The following DGKI variants were observed in gnomAD, a reference collection of about 807,000 sequenced individuals.
DGKI encodes the protein diacylglycerol kinase iota, also known as DAG kinase iota.
A neutral mutation model predicts 147.5 loss-of-function variants in DGKI; 55 were observed. The ratio of observed to expected loss-of-function variants is 0.37; its 90% confidence interval spans 0.30 to 0.47. DGKI has a LOEUF of 0.47. Among genes scored for constraint, DGKI ranks in the 20% least tolerant of loss-of-function variants. DGKI has a pLI of 1.00. For synonymous variants in DGKI, 469 were observed against 477.1 expected, an observed-to-expected ratio of 0.98 and a Z score of 0.22; for missense variants, 1,007 against 1,323.8, an observed-to-expected ratio of 0.76 and a Z score of 3.71.
rs202231977 is a variant in DGKI, at chr7:137,532,078, C to CA, written c.2148-10113dup. ...CAGAATGTGTTATAAATAAAAATATCAAAAAAAACAGTAGCCAAAATTCAT... is the reference window on the plus strand; with the variant it reads ...CAGAATGTGTTATAAATAAAAATATCAAAAAAAAACAGTAGCCAAAATTCAT... On this transcript the variant is annotated intron_variant, in intron 20 of 32. Transcript: ENST00000614521. Among the ~76,000 whole-genome samples the CA allele has an allele frequency of 9.4e-3, 1,406 of 149,806 alleles. 27 individuals carry two copies. Among genetic ancestry groups the CA allele is most frequent in the African/African-American group, 0.032 (1,284 of 40,720 alleles).
chr7:137,505,930 G>A (rs541775749), intron 21 of DGKI, among the ~76,000 whole-genome samples: 4 of 151,268 alleles, frequency 2.6e-5, no homozygotes, highest in Admixed American at 2.6e-4. Flanking sequence ...CTAATAGAAT[G>A]GCTAAAATTA....
chr7:137,423,751 T>C (rs1200527480), intron 28 of DGKI, among the ~76,000 whole-genome samples: 1 of 152,204 alleles, frequency 6.6e-6, no homozygotes, highest in Non-Finnish European at 1.5e-5. Context: ...AAAGGTCATG[T>C]TCAGAGACAT....
At chr7:137,826,698 G>A (rs1234842214) in intron 1 of DGKI, among the ~76,000 whole-genome samples, 1 of 152,092 alleles carries the variant, frequency 6.6e-6, no homozygotes, top group African/African-American at 2.4e-5. Flanking sequence ...AAAGTCCAGT[G>A]ATGTGATCTG....
chr7:137,579,329 A>G (rs990487016), intron 15 of DGKI, among the ~76,000 whole-genome samples: 2 of 151,938 alleles, frequency 1.3e-5, no homozygotes, highest in Non-Finnish European at 2.9e-5. Flanking sequence ...GCTTGCCACA[A>G]TTAAAAATCT....
intron 12 of DGKI, among the ~76,000 whole-genome samples, chr7:137,592,534 G>T (rs1164964840): frequency 6.6e-6 from 1 of 152,184 alleles, no homozygotes; most frequent in Admixed American, 6.5e-5. Context: ...TTTTCATTCT[G>T]CAGTATACTA....
At chr7:137,834,158 G>T (rs1196027406) in intron 1 of DGKI, among the ~76,000 whole-genome samples, 2 of 152,170 alleles carry the variant, frequency 1.3e-5, no homozygotes, top group Non-Finnish European at 2.9e-5. Flanking sequence ...TATTAATGTT[G>T]AAGGTATATC....
intron 3 of DGKI, among the ~76,000 whole-genome samples, chr7:137,658,386 G>T (rs1264497943): frequency 1.3e-5 from 2 of 152,190 alleles, no homozygotes; most frequent in Non-Finnish European, 2.9e-5. Context: ...TGGGGCATTT[G>T]AGTCACATTG....
intron 1 of DGKI, among the ~76,000 whole-genome samples, chr7:137,744,476 A>T (rs1238893168): frequency 6.6e-6 from 1 of 152,168 alleles, no homozygotes; most frequent in African/African-American, 2.4e-5. Context: ...TACAAAGGAG[A>T]GCTGCTACCA....
At chr7:137,659,641 A>G (rs988709385) in intron 3 of DGKI, among the ~76,000 whole-genome samples, 1 of 152,254 alleles carries the variant, frequency 6.6e-6, no homozygotes, top group African/African-American at 2.4e-5. Context: ...ACTTAAAAGC[A>G]TTCAGTAGGG....
intron 1 of DGKI, among the ~76,000 whole-genome samples, chr7:137,794,711 C>G (rs1458260049): frequency 1.3e-5 from 2 of 152,194 alleles, no homozygotes; most frequent in Non-Finnish European, 2.9e-5. Context: ...TTTACTGCCT[C>G]AGTTGTGTTC....
intron 3 of DGKI, among the ~76,000 whole-genome samples, chr7:137,662,841 C>T (rs917433818): frequency 2.6e-5 from 4 of 152,188 alleles, no homozygotes; most frequent in African/African-American, 9.7e-5. Flanking sequence ...AAGGCTGAAA[C>T]CTTCTGAGAT....
In DGKI at chr7:137,552,441, C is replaced by T. The variant is rs867121630; in HGVS notation, c.2075G>A (p.Arg692Gln). ...GTTGGCCTGATTCCTCAGGGAGATC[C>T]GAATCATAGCTGGGGCCAACCTACA... ...EPCRLAPAMIRISLRNQANMV... is the reference protein window; with the variant it reads ...EPCRLAPAMIQISLRNQANMV... Residue 692 changes from arginine (R) to glutamine (Q), a missense_variant, in exon 20 of 33, where the codon CGG becomes CAG. Coordinates refer to ENST00000614521, the MANE Select transcript of DGKI (RefSeq NM_001321708.2). The T allele has an allele frequency of 2.4e-5, 39 of 1,613,936 alleles. No individual in the cohort carries two copies. The highest frequency in any genetic ancestry group is 1.3e-4 in the East Asian group (6 of 44,888).
intron 1 of DGKI, among the ~76,000 whole-genome samples, chr7:137,835,928 G>A (rs992392496): frequency 3.3e-5 from 5 of 152,200 alleles, no homozygotes; most frequent in Non-Finnish European, 7.3e-5. Flanking sequence ...TGGGAAAGTC[G>A]CTTAGCTACT....
At chr7:137,589,418 C>A (rs1476103188) in intron 12 of DGKI, among the ~76,000 whole-genome samples, 1 of 152,224 alleles carries the variant, frequency 6.6e-6, no homozygotes, top group Non-Finnish European at 1.5e-5. Context: ...AAAAGTCTGT[C>A]CACTTCCCTA....
chr7:137,607,643 A>G (rs28568341), intron 10 of DGKI, among the ~76,000 whole-genome samples: 3,785 of 152,308 alleles, frequency 0.025, 127 homozygotes, highest in African/African-American at 0.084. Flanking sequence ...GGCCAAAATC[A>G]TGGAACTAAT....
intron 1 of DGKI, among the ~76,000 whole-genome samples, chr7:137,777,650 T>A (rs1238803142): frequency 1.3e-5 from 2 of 152,232 alleles, no homozygotes; most frequent in Admixed American, 6.5e-5. Flanking sequence ...TCTTTAGTTA[T>A]TTACTATGTC....
chr7:137,574,161 G>A (rs572217599), intron 17 of DGKI, among the ~76,000 whole-genome samples: 104 of 152,126 alleles, frequency 6.8e-4, no homozygotes, highest in African/African-American at 2.3e-3. Context: ...TTTCCCAGTC[G>A]ATCTCCATAC....
In DGKI at chr7:137,615,465, CTAT is replaced by C. The variant is rs1563113072; in HGVS notation, c.993+4356_993+4358del. On this transcript the variant is annotated intron_variant, in intron 8 of 32. Transcript: ENST00000614521. ...CTGAATTCAATTAAGAACATCTTCT[CTAT>C]TATTTATTTTGAAGCAGTATGATAG... is the stretch of plus-strand genomic sequence containing the variant. Among the ~76,000 whole-genome samples, 30 of 151,442 alleles carry C rather than the reference CTAT, an allele frequency of 2.0e-4. No homozygotes were observed. In the South Asian group the frequency reaches 5.8e-3, roughly 29 times the overall value.
intron 23 of DGKI, among the ~76,000 whole-genome samples, chr7:137,473,489 G>C (rs1048827029): frequency 6.6e-6 from 1 of 152,094 alleles, no homozygotes; most frequent in East Asian, 1.9e-4. Context: ...AGTGATCTGA[G>C]ATTTCCAAGA....
Sources: allele counts gnomAD v4.1 joint callset (sites outside exome capture counted in the v4.1 genomes callset), GRCh38; gene constraint gnomAD v4.1.1; transcripts MANE v1.5; gene names NCBI Gene and HGNC (gene_info 2026-07-23, HGNC 2026-07-21).